The following MYBL1 variants were observed in gnomAD, a reference collection of about 807,000 sequenced individuals.
MYBL1 encodes the protein MYB proto-oncogene like 1, also known as myb-related protein A.
A neutral mutation model predicts 96.3 loss-of-function variants in MYBL1; 17 were observed. The ratio of observed to expected loss-of-function variants is 0.18; its 90% CI spans 0.12 to 0.26. MYBL1 has a LOEUF of 0.26. MYBL1 is among the 10% of genes least tolerant of loss of function. The pLI, the probability that MYBL1 is intolerant of heterozygous loss-of-function variation, is 1.00. For missense variants in MYBL1, 701 were observed against 882.9 expected (o/e 0.79, Z 2.61); for synonymous variants, 282 against 292.7 (o/e 0.96, Z 0.37).
intron 12 of MYBL1, among the ~76,000 whole-genome samples, chr8:66,567,203 A>T (rs2129694756): frequency 6.6e-6 from 1 of 152,322 alleles, no homozygotes; most frequent in South Asian, 2.1e-4. Context: ...TCTTCTTTCT[A>T]GGCTACTAAA....
chr8:66,573,840 G>C (rs1481571774), intron 10 of MYBL1, among the ~76,000 whole-genome samples: 1 of 152,138 alleles, frequency 6.6e-6, no homozygotes, highest in African/African-American at 2.4e-5. Flanking sequence ...ATAAACAGCT[G>C]CTGTGTTAAA....
In MYBL1 at chr8:66,595,733, A is replaced by G. The variant is rs781412366; in HGVS notation, c.537T>C (p.His179=). 1.3e-5 allele frequency: 21 copies of G among 1,559,710 alleles called. No homozygotes were observed. The highest frequency in any genetic ancestry group is 1.6e-5 in the Non-Finnish European group (18 of 1,150,640). Residue 179 remains histidine, a synonymous_variant, in exon 6 of 16, where the codon CAT becomes CAC. Coordinates refer to ENST00000522677, the MANE Select transcript of MYBL1 (RefSeq NM_001080416.4). ...PGRTDNSIKN[H]WNSTMRRKVE... ...CTTTTCTTCGCATAGTAGAATTCCA[A>G]TGATTTTTGATAGAATTATCAGTCC...
At chr8:66,574,407 GT>G (rs1808854584) in intron 10 of MYBL1, among the ~76,000 whole-genome samples, 1 of 152,102 alleles carries the variant, frequency 6.6e-6, no homozygotes, top group Non-Finnish European at 1.5e-5. Context: ...ACTTTCTCCA[GT>G]GCTTTTTAAC....
intron 9 of MYBL1, among the ~76,000 whole-genome samples, chr8:66,576,823 CA>C (rs1174514045): frequency 1.3e-5 from 2 of 152,072 alleles, no homozygotes; most frequent in Non-Finnish European, 2.9e-5. Context: ...TGATTTTGCA[CA>C]AAGCTTTATA....
Position 66,595,530 on chromosome 8 carries a change from A to G in MYBL1, c.687+53T>C, listed in dbSNP as rs1232932786. 5.9e-6 allele frequency: 7 copies of G among 1,177,732 alleles called. No homozygotes were observed. In the East Asian group the frequency reaches 2.1e-4, roughly 35 times the overall value. 73.0% of individuals were successfully genotyped at this position (1,177,732 alleles called of 1,614,324 possible). On this transcript the variant is annotated intron_variant, in intron 6 of 15. Coordinates refer to ENST00000522677, the MANE Select transcript of MYBL1 (RefSeq NM_001080416.4). ...CTATTAAGAAACCAAACATCTTCCC[A>G]TATAGCAACTTAAGAAAATTTTTTA...
intron 10 of MYBL1, 124 bp downstream of exon 10, chr8:66,575,883 T>C: frequency 1.1e-6 from 1 of 907,422 alleles, no homozygotes; most frequent in Non-Finnish European, 1.6e-6. Flanking sequence ...TATTCTCAAG[T>C]ATACATTTAA....
At chr8:66,575,816 A>G (rs573679044) in intron 10 of MYBL1, among the ~76,000 whole-genome samples, 191 bp downstream of exon 10, 4 of 152,258 alleles carry the variant, frequency 2.6e-5, no homozygotes, top group African/African-American at 9.6e-5. Context: ...AAATAAATAA[A>G]TAAATATTTG....
At chr8:66,607,703 A>ACCC (rs1326144500) in intron 1 of MYBL1, among the ~76,000 whole-genome samples, 19 of 152,004 alleles carry the variant, frequency 1.2e-4, no homozygotes, top group Admixed American at 3.3e-4. Flanking sequence ...AAAACCCAAA[A>ACCC]AAAAAAAAAA....
At chr8:66,599,265 T>C (rs1405927088) in intron 3 of MYBL1, 123 bp from the exon 4 acceptor site, 4 of 537,848 alleles carry the variant, frequency 7.4e-6, no homozygotes, top group Admixed American at 3.8e-5. Flanking sequence ...TAGCATTCTT[T>C]AAACATGTAA....
At chr8:66,574,445 G>C (rs1330317496) in intron 10 of MYBL1, among the ~76,000 whole-genome samples, 1 of 152,162 alleles carries the variant, frequency 6.6e-6, no homozygotes, top group Non-Finnish European at 1.5e-5. Flanking sequence ...GGAGTGAACA[G>C]ACTATTCACA....
At chr8:66,591,184 T>C (rs1164230547) in intron 8 of MYBL1, among the ~76,000 whole-genome samples, 1 of 151,854 alleles carries the variant, frequency 6.6e-6, no homozygotes, top group East Asian at 1.9e-4. Flanking sequence ...TAGTCTCTAC[T>C]AAAAATATAA....
intron 15 of MYBL1, 90 bp from the exon 16 acceptor site, chr8:66,564,915 A>T: frequency 1.3e-6 from 1 of 759,694 alleles, no homozygotes; most frequent in East Asian, 3.3e-5. Flanking sequence ...ATTTTAACTG[A>T]TTAGATATTT....
intron 9 of MYBL1, among the ~76,000 whole-genome samples, 153 bp downstream of exon 9, chr8:66,579,958 ACATACTTGAGAAAAATTTAAAC>A (rs945825628): frequency 9.9e-5 from 15 of 152,152 alleles, no homozygotes; most frequent in African/African-American, 3.6e-4. Flanking sequence ...CTCACAAGGC[ACATACTTGAGAAAAATTTAAAC>A]TTTTTTCCCC....
intron 9 of MYBL1, among the ~76,000 whole-genome samples, chr8:66,577,119 T>C (rs1171327263): frequency 1.3e-5 from 2 of 151,780 alleles, no homozygotes; most frequent in Non-Finnish European, 1.5e-5. Context: ...ACAGCCAATA[T>C]CATACTGAAT....
At chr8:66,608,644 C>G (rs1473355387) in intron 1 of MYBL1, among the ~76,000 whole-genome samples, 1 of 152,096 alleles carries the variant, frequency 6.6e-6, no homozygotes, top group East Asian at 1.9e-4. Context: ...GAAAAAGTCC[C>G]ATCACTGAAA....
chr8:66,588,559 C>T (rs568388662), intron 8 of MYBL1, among the ~76,000 whole-genome samples: 9 of 152,064 alleles, frequency 5.9e-5, no homozygotes, highest in Admixed American at 4.6e-4. Flanking sequence ...GGATTACAGG[C>T]GTTGAGTCAC....
chr8:66,581,509 T>G (rs906915634), intron 8 of MYBL1, among the ~76,000 whole-genome samples: 1 of 151,982 alleles, frequency 6.6e-6, no homozygotes, highest in Non-Finnish European at 1.5e-5. Context: ...AAACCCCATC[T>G]CTACAAAAAA....
chr8:66,593,225 C>T (rs750722453), intron 6 of MYBL1, 31 bp from the exon 7 acceptor site: 9 of 1,293,736 alleles, frequency 7.0e-6, no homozygotes, highest in African/African-American at 3.0e-5. Context: ...TATTATCATA[C>T]ATATAATGCT....
chr8:66,592,592 TTTA>T (rs1279833998), intron 7 of MYBL1, 48 bp from the exon 8 acceptor site: 1 of 1,085,230 alleles, frequency 9.2e-7, no homozygotes, highest in Admixed American at 2.4e-5. Context: ...ATATAATTGC[TTTA>T]TTATTAGTAT....
Sources: allele counts gnomAD v4.1 joint callset (sites outside exome capture counted in the v4.1 genomes callset), GRCh38; gene constraint gnomAD v4.1.1; transcripts MANE v1.5; gene names NCBI Gene and HGNC (gene_info 2026-07-23, HGNC 2026-07-21).